Variants in RNLS observed in about 807,000 individuals in gnomAD.
RNLS encodes renalase, FAD dependent amine oxidase, also known as renalase.
Under a neutral mutation model 39.8 loss-of-function variants are expected in RNLS, and 39 were observed. The observed-to-expected ratio is 0.98, with a 90% CI of 0.76 to 1.28. The LOEUF is 1.28. RNLS is among the 50% of genes most tolerant of loss of function. The pLI is 0.00. For missense variants in RNLS, 410 were observed against 413.3 expected (o/e 0.99, Z 0.07); for synonymous variants, 147 against 150.7 (o/e 0.98, Z 0.18).
intron 1 of RNLS, among the ~76,000 whole-genome samples, chr10:88,582,631 T>G (rs1850667572): frequency 6.6e-6 from 1 of 152,250 alleles, no homozygotes; most frequent in Non-Finnish European, 1.5e-5. Flanking sequence ...GACAGGATTC[T>G]GCAAACTAGA....
intron 4 of RNLS, among the ~76,000 whole-genome samples, chr10:88,535,766 A>G (rs1847720367): frequency 1.3e-5 from 2 of 152,130 alleles, no homozygotes; most frequent in African/African-American, 4.8e-5. Flanking sequence ...GTGTTGAGAA[A>G]CTATCTCAGT....
chr10:88,200,925 C>T, the RNLS span, among the ~76,000 whole-genome samples: 1 of 151,698 alleles, frequency 6.6e-6, no homozygotes, highest in Non-Finnish European at 1.5e-5. Flanking sequence ...CAGTGCCACT[C>T]TTTTTCTGAA....
intron 4 of RNLS, among the ~76,000 whole-genome samples, chr10:88,538,609 T>C (rs754862213): frequency 9.9e-5 from 15 of 152,162 alleles, no homozygotes; most frequent in Non-Finnish European, 2.2e-4. Context: ...TTAGTAAGTT[T>C]TCAGCATGTT....
intron 4 of RNLS, among the ~76,000 whole-genome samples, chr10:88,503,183 C>T (rs1428909877): frequency 2.0e-5 from 3 of 152,128 alleles, no homozygotes; most frequent in Non-Finnish European, 2.9e-5. Flanking sequence ...GAGTTTGAAA[C>T]CAGTCTGGCA....
the RNLS span, among the ~76,000 whole-genome samples, chr10:88,215,615 A>G: frequency 6.6e-6 from 1 of 151,856 alleles, no homozygotes; most frequent in Non-Finnish European, 1.5e-5. Context: ...TGTGCATCAG[A>G]CAGATTGCAT....
intron 4 of RNLS, among the ~76,000 whole-genome samples, chr10:88,530,046 C>G (rs925834955): frequency 6.6e-6 from 1 of 152,132 alleles, no homozygotes; most frequent in Admixed American, 6.6e-5. Flanking sequence ...CTTATGTTTT[C>G]CAGGCAACAT....
intron 5 of RNLS, among the ~76,000 whole-genome samples, chr10:88,349,195 T>G (rs1848507915): frequency 6.6e-6 from 1 of 152,154 alleles, no homozygotes; most frequent in African/African-American, 2.4e-5. Flanking sequence ...AGCAGTATAT[T>G]CCATAAGATG....
At chr10:88,406,972 C>G (rs2133677302) in intron 4 of RNLS, among the ~76,000 whole-genome samples, 1 of 152,106 alleles carries the variant, frequency 6.6e-6, no homozygotes, top group East Asian at 1.9e-4. Flanking sequence ...ATCGCGTGTT[C>G]TCACTGATAT....
the RNLS span, among the ~76,000 whole-genome samples, chr10:88,177,764 A>G: frequency 6.6e-6 from 1 of 152,132 alleles, no homozygotes; most frequent in Non-Finnish European, 1.5e-5. Flanking sequence ...GTAGTGTTCT[A>G]TAGTGTAGGT....
chr10:88,395,201 A>AAATT (rs1852479043), intron 4 of RNLS, among the ~76,000 whole-genome samples: 1 of 148,270 alleles, frequency 6.7e-6, no homozygotes, highest in Non-Finnish European at 1.5e-5. Context: ...AATAATAATA[A>AAATT]AATTAAAAAA....
chr10:88,565,341 C>T (rs888901525), intron 4 of RNLS, among the ~76,000 whole-genome samples: 1 of 151,856 alleles, frequency 6.6e-6, no homozygotes, highest in Admixed American at 6.6e-5. Context: ...GTCTAATAAT[C>T]AAATAAGAGC....
At chr10:88,575,454 C>T (rs184582751) in intron 3 of RNLS, among the ~76,000 whole-genome samples, 2 of 151,730 alleles carry the variant, frequency 1.3e-5, no homozygotes, top group East Asian at 3.9e-4. Context: ...TCATGATGCG[C>T]GCTAAAGTAT....
At chr10:88,216,438 T>C in the RNLS span, among the ~76,000 whole-genome samples, 1 of 152,224 alleles carries the variant, frequency 6.6e-6, no homozygotes, top group African/African-American at 2.4e-5. Flanking sequence ...CTCTAGAAGG[T>C]GCTCCTTTTA....
chr10:88,524,947 T>G, intron 4 of RNLS, among the ~76,000 whole-genome samples: 1 of 79,440 alleles, frequency 1.3e-5, no homozygotes, highest in African/African-American at 6.5e-5. Context: ...TATATATATA[T>G]GGCACACACA....
the RNLS span, among the ~76,000 whole-genome samples, chr10:88,244,971 G>A: frequency 6.6e-6 from 1 of 152,164 alleles, no homozygotes; most frequent in Non-Finnish European, 1.5e-5. Context: ...TTGAGTTGTG[G>A]TTTGCCACAG....
In RNLS at chr10:88,397,964, C is replaced by A. The variant is rs187743824; in HGVS notation, c.527-35239G>T. 1.4e-3 allele frequency among the ~76,000 whole-genome samples: 210 copies of A among 152,052 alleles called. 1 individual carries two copies. The highest frequency in any genetic ancestry group is 2.3e-3 in the Non-Finnish European group (157 of 67,928). Reference sequence around the variant, plus strand: ...TAGTAAATTGATTTTGACTGGGGACCAAGACCACTCAGTGGGGGAAATAAT... The same window carrying A: ...TAGTAAATTGATTTTGACTGGGGACAAAGACCACTCAGTGGGGGAAATAAT... On this transcript the variant is annotated intron_variant, in intron 4 of 6. Coordinates refer to ENST00000331772, the MANE Select transcript of RNLS (RefSeq NM_001031709.3).
chr10:88,339,850 G>A (rs924218071), intron 5 of RNLS, among the ~76,000 whole-genome samples: 1 of 152,222 alleles, frequency 6.6e-6, no homozygotes, highest in Non-Finnish European at 1.5e-5. Context: ...ATGTATGTAT[G>A]TACTGACACA....
chr10:88,185,050 C>A, the RNLS span, among the ~76,000 whole-genome samples: 1 of 152,122 alleles, frequency 6.6e-6, no homozygotes, highest in Non-Finnish European at 1.5e-5. Flanking sequence ...TTTCCTAAAG[C>A]ATCCACTGAT....
the RNLS span, among the ~76,000 whole-genome samples, chr10:88,262,250 G>A: frequency 6.6e-6 from 1 of 152,118 alleles, no homozygotes; most frequent in South Asian, 2.1e-4. Flanking sequence ...AACAATGAGA[G>A]CAGAATGTGC....
Sources: allele counts gnomAD v4.1 joint callset (sites outside exome capture counted in the v4.1 genomes callset), GRCh38; gene constraint gnomAD v4.1.1; transcripts MANE v1.5; gene names NCBI Gene and HGNC (gene_info 2026-07-23, HGNC 2026-07-21).